The following GAREM1 variants were observed in gnomAD, a reference collection of about 807,000 sequenced individuals.
GAREM1 encodes GRB2-associated and regulator of MAPK protein 1.
GAREM1 carries 26 observed loss-of-function variants against 71.3 expected under a neutral mutation model. The ratio of observed to expected loss-of-function variants is 0.36; its 90% CI spans 0.27 to 0.51. The LOEUF is 0.51. GAREM1 is among the 20% of genes least tolerant of loss of function. The pLI is 0.95. For missense variants in GAREM1, 1,026 were observed against 1,103.1 expected, an observed-to-expected ratio of 0.93 and a Z score of 0.99; for synonymous variants, 440 against 433.2, an observed-to-expected ratio of 1.02 and a Z score of -0.20.
At chr18:32,269,471 A>T (rs528829560) in intron 5 of GAREM1, among the ~76,000 whole-genome samples, 23 of 152,290 alleles carry the variant, frequency 1.5e-4, no homozygotes, top group African/African-American at 5.3e-4. Flanking sequence ...GAGGGGTCTG[A>T]CAGTGATGTC....
chr18:32,312,329 TGA>T (rs1397677429), intron 2 of GAREM1, among the ~76,000 whole-genome samples: 1 of 151,468 alleles, frequency 6.6e-6, no homozygotes, highest in East Asian at 1.9e-4. Context: ...GCCAGGGGAG[TGA>T]GAGGAAAACC....
At chr18:32,355,339 T>C (rs975657005) in intron 2 of GAREM1, among the ~76,000 whole-genome samples, 3 of 152,172 alleles carry the variant, frequency 2.0e-5, no homozygotes, top group African/African-American at 7.2e-5. Flanking sequence ...TAGAACCCTA[T>C]CTATGGATAA....
In GAREM1 at chr18:32,276,320, A is replaced by G. The variant is rs116384541; in HGVS notation, c.1567-5937T>C. On this transcript the variant is annotated intron_variant, in intron 4 of 5. Transcript: ENST00000269209. ...CACCATCCCTGAAAGTCTGAACAAC[A>G]TGGCTATCACTTCTCTTTTCCTACA... Among the ~76,000 whole-genome samples the G allele has an allele frequency of 1.2e-3, 188 of 152,346 alleles. 1 individual carries two copies. The highest frequency in any genetic ancestry group is 3.8e-3 in the African/African-American group (159 of 41,584).
chr18:32,306,138 T>C (rs1016012342), intron 3 of GAREM1, among the ~76,000 whole-genome samples: 3 of 152,184 alleles, frequency 2.0e-5, no homozygotes, highest in African/African-American at 7.2e-5. Flanking sequence ...CCTTCACATT[T>C]TGCTAAATTT....
intron 2 of GAREM1, among the ~76,000 whole-genome samples, chr18:32,349,529 A>G (rs1480876185): frequency 3.9e-5 from 6 of 152,234 alleles, no homozygotes; most frequent in Non-Finnish European, 7.3e-5. Context: ...ACACAGAGGT[A>G]TTACTTCCCC....
chr18:32,444,587 A>G (rs1206365279), intron 1 of GAREM1, among the ~76,000 whole-genome samples: 1 of 152,200 alleles, frequency 6.6e-6, no homozygotes, highest in Non-Finnish European at 1.5e-5. Context: ...TATAGTCTTC[A>G]TATGAGAAAT....
rs2041388022 is a variant in GAREM1, at chr18:32,267,397, A to G, written c.*474T>C. ...TCGTATCACTAACATTTTCAGGCAC[A>G]AGAGTAAAACAATTAGCAAGAAGCA... On this transcript the variant is annotated 3_prime_UTR_variant, in exon 6 of 6. Transcript: ENST00000269209. 1 of 152,850 alleles carries G rather than the reference A, an allele frequency of 6.5e-6. No individual in the cohort carries two copies. The highest frequency in any genetic ancestry group is 2.1e-4 in the South Asian group (1 of 4,840). 9.5% of individuals were successfully genotyped at this position (152,850 alleles called of 1,614,324 possible).
At chr18:32,347,364 AC>A (rs2047706655) in intron 2 of GAREM1, among the ~76,000 whole-genome samples, 1 of 151,984 alleles carries the variant, frequency 6.6e-6, no homozygotes, top group Admixed American at 6.6e-5. Flanking sequence ...ATAAATAAAA[AC>A]AAAAGAAAAC....
intron 1 of GAREM1, among the ~76,000 whole-genome samples, chr18:32,441,301 G>A (rs138671305): frequency 9.9e-5 from 15 of 151,766 alleles, no homozygotes; most frequent in South Asian, 2.1e-4. Flanking sequence ...GTGGACTAGC[G>A]GCCAAAGTCC....
intron 1 of GAREM1, among the ~76,000 whole-genome samples, chr18:32,421,665 T>A (rs1179182815): frequency 2.0e-5 from 3 of 152,160 alleles, no homozygotes; most frequent in African/African-American, 7.2e-5. Flanking sequence ...ATCTCAGGCC[T>A]CCATGTTTTT....
intron 2 of GAREM1, among the ~76,000 whole-genome samples, chr18:32,373,157 A>C (rs1433713306): frequency 6.6e-6 from 1 of 152,214 alleles, no homozygotes; most frequent in African/African-American, 2.4e-5. Flanking sequence ...TAAATGGAGA[A>C]TGAAAAACTA....
At position 32,264,532 on chromosome 18, in the gene GAREM1, C is replaced by T. The variant is rs2041347412; in HGVS notation, c.*3339G>A. On this transcript the variant is annotated 3_prime_UTR_variant, in exon 6 of 6. Coordinates refer to ENST00000269209, the MANE Select transcript of GAREM1 (RefSeq NM_001242409.2). ...GAGCAGAGACTGTTTATGCATGTGT[C>T]TGAGAACAGTTGGAACGGACTGTCA... The T allele has an allele frequency of 6.6e-6, 1 of 152,134 alleles. No homozygotes were observed. The highest frequency in any genetic ancestry group is 2.4e-5 in the African/African-American group (1 of 41,438). The allele number at this position is 152,134 out of a possible 1,614,324, so 9.4% of individuals were successfully genotyped here. A position where few individuals can be genotyped will look rare whatever the true frequency, so the allele number is the denominator to read the frequency against.
At chr18:32,338,400 T>TTAA (rs2047617751) in intron 2 of GAREM1, among the ~76,000 whole-genome samples, 1 of 152,310 alleles carries the variant, frequency 6.6e-6, no homozygotes, top group Non-Finnish European at 1.5e-5. Flanking sequence ...AACTAGCCAC[T>TTAA]TAATGGTCCT....
At chr18:32,352,185 TAGTC>T (rs993585748) in intron 2 of GAREM1, among the ~76,000 whole-genome samples, 1 of 152,176 alleles carries the variant, frequency 6.6e-6, no homozygotes, top group African/African-American at 2.4e-5. Flanking sequence ...GTTCATTTAT[TAGTC>T]AGTTCTGCAA....
At chr18:32,429,816 G>A (rs1327826903) in intron 1 of GAREM1, among the ~76,000 whole-genome samples, 1 of 152,084 alleles carries the variant, frequency 6.6e-6, no homozygotes, top group African/African-American at 2.4e-5. Flanking sequence ...TGCAGAGGAG[G>A]AATGACATTC....
intron 4 of GAREM1, among the ~76,000 whole-genome samples, chr18:32,285,335 G>C (rs1343848489): frequency 6.6e-6 from 1 of 152,154 alleles, no homozygotes; most frequent in African/African-American, 2.4e-5. Flanking sequence ...GCTCTTTATG[G>C]ACAGCTAAGC....
intron 2 of GAREM1, among the ~76,000 whole-genome samples, chr18:32,317,349 G>C (rs2047388519): frequency 6.9e-6 from 1 of 145,742 alleles, no homozygotes; most frequent in Non-Finnish European, 1.5e-5. Context: ...AGGTTGCAGT[G>C]AGCTGAGATT....
intron 2 of GAREM1, among the ~76,000 whole-genome samples, chr18:32,334,569 G>C (rs2047570173): frequency 6.6e-6 from 1 of 152,216 alleles, no homozygotes; most frequent in African/African-American, 2.4e-5. Flanking sequence ...CCCGAGTGGG[G>C]TTCCACATGG....
At chr18:32,372,333 T>A (rs1412802412) in intron 2 of GAREM1, among the ~76,000 whole-genome samples, 1 of 152,196 alleles carries the variant, frequency 6.6e-6, no homozygotes, top group Non-Finnish European at 1.5e-5. Context: ...CTCTTCTAAA[T>A]CAAAACCCAA....
Sources: gnomAD v4.1 joint callset for allele counts (sites outside exome capture counted in the v4.1 genomes callset) on GRCh38, gnomAD v4.1.1 for gene constraint, MANE v1.5 for transcripts, NCBI Gene and HGNC (gene_info 2026-07-23, HGNC 2026-07-21) for gene names.